The following ANKRD11 variants were observed in gnomAD, a reference collection of about 807,000 sequenced individuals.
ANKRD11 encodes the protein ankyrin repeat domain-containing protein 11.
A neutral mutation model predicts 195.7 loss-of-function variants in ANKRD11; 17 were observed. The observed-to-expected ratio is 0.09, with a 90% CI of 0.06 to 0.13. The LOEUF (loss-of-function observed/expected upper bound fraction) is 0.13. Among genes scored for constraint, ANKRD11 ranks in the 10% least tolerant of loss-of-function variants. The pLI is 1.00. For synonymous variants in ANKRD11, 1,953 were observed against 1,528.1 expected, an observed-to-expected ratio of 1.28 and a Z score of -6.49; for missense variants, 3,735 against 3,566.1, an observed-to-expected ratio of 1.05 and a Z score of -1.21.
rs538277091 is a variant in ANKRD11 at position 89,344,702 on chromosome 16, G to T, written c.-59-27624C>A. 9.2e-5 allele frequency among the ~76,000 whole-genome samples: 14 copies of T among 152,212 alleles called. 1 individual carries two copies. The South Asian group carries it at 2.1e-3, about 23-fold the overall frequency. ...GGGAGCTGCCGACACCTTCAGACTG[G>T]GAAGAACAAAGAGCTCCCAAGCACG... On this transcript the variant is annotated intron_variant, in intron 2 of 12. Coordinates refer to ENST00000301030, the MANE Select transcript of ANKRD11 (RefSeq NM_013275.6).
intron 2 of ANKRD11, among the ~76,000 whole-genome samples, chr16:89,318,842 G>C (rs555433385): frequency 1.3e-5 from 2 of 152,218 alleles, no homozygotes; most frequent in Non-Finnish European, 2.9e-5. Context: ...ACCTCCACCC[G>C]CGGTGCAGGT....
chr16:89,464,339 T>C (rs960697656), intron 1 of ANKRD11, among the ~76,000 whole-genome samples: 5 of 151,796 alleles, frequency 3.3e-5, no homozygotes, highest in South Asian at 2.1e-4. Flanking sequence ...CAGAGCGTGG[T>C]GGCTCACGCC....
intron 2 of ANKRD11, among the ~76,000 whole-genome samples, chr16:89,336,842 C>T (rs2038379720): frequency 6.6e-6 from 1 of 151,954 alleles, no homozygotes; most frequent in Non-Finnish European, 1.5e-5. Context: ...AAAACAACTG[C>T]AGGCCGGGCG....
At chr16:89,462,717 C>T (rs1219799658) in intron 1 of ANKRD11, among the ~76,000 whole-genome samples, 1 of 151,536 alleles carries the variant, frequency 6.6e-6, no homozygotes, top group Non-Finnish European at 1.5e-5. Context: ...GCCTCTGCCC[C>T]GCCGCCCCGT....
intron 2 of ANKRD11, among the ~76,000 whole-genome samples, chr16:89,390,126 CGT>C (rs2041118099): frequency 8.3e-5 from 5 of 60,210 alleles, no homozygotes; most frequent in Admixed American, 1.5e-4. Context: ...CCGAGTGTGG[CGT>C]GGAGCACAGA....
intron 2 of ANKRD11, among the ~76,000 whole-genome samples, chr16:89,368,371 GTTTTTTTTTTTTTTTTTTTTTTT>G (rs71134210): frequency 1.2e-3 from 69 of 56,596 alleles, no homozygotes; most frequent in Admixed American, 3.9e-3. Flanking sequence ...TAATTTTTGT[GTTTTTTTTTTTTTTTTTTTTTTT>G]TTTTTTTTAG....
intron 3 of ANKRD11, among the ~76,000 whole-genome samples, chr16:89,314,235 CAG>C (rs1213542561): frequency 3.3e-5 from 5 of 152,014 alleles, no homozygotes; most frequent in African/African-American, 7.3e-5. Context: ...CCCTGGGTGA[CAG>C]AGTCAGACCC....
chr16:89,423,006 A>C (rs1479356063), intron 1 of ANKRD11, among the ~76,000 whole-genome samples: 1 of 152,152 alleles, frequency 6.6e-6, no homozygotes, highest in African/African-American at 2.4e-5. Flanking sequence ...ACACTGACTA[A>C]CCCCAACTGA....
At chr16:89,388,810 G>T (rs1175429429) in intron 2 of ANKRD11, among the ~76,000 whole-genome samples, 1 of 152,152 alleles carries the variant, frequency 6.6e-6, no homozygotes, top group African/African-American at 2.4e-5. Flanking sequence ...GTTCTGGAAG[G>T]CACTGCCACA....
chr16:89,472,376 G>A (rs1056717065), intron 1 of ANKRD11, among the ~76,000 whole-genome samples: 1 of 152,122 alleles, frequency 6.6e-6, no homozygotes, highest in Non-Finnish European at 1.5e-5. Context: ...TTTACTAAGG[G>A]GAAGGGGAAG....
At chr16:89,286,557 G>T in intron 7 of ANKRD11, 1 of 764,484 alleles carries the variant, frequency 1.3e-6, no homozygotes, top group Non-Finnish European at 1.8e-6. Flanking sequence ...GAGCTCCTCA[G>T]CAGAGTGGTG....
chr16:89,421,419 G>A (rs1401952157), intron 1 of ANKRD11, among the ~76,000 whole-genome samples: 2 of 6,218 alleles, frequency 3.2e-4, no homozygotes, highest in Admixed American at 1.1e-3. Flanking sequence ...TGGGGGCGGG[G>A]GTGAGACACG....
chr16:89,487,634 C>A (rs915577954), intron 1 of ANKRD11, among the ~76,000 whole-genome samples: 1 of 151,926 alleles, frequency 6.6e-6, no homozygotes, highest in Non-Finnish European at 1.5e-5. Context: ...ATTAGCCAGG[C>A]GTGGCGGTGG....
chr16:89,468,897 C>T (rs1410510540), intron 1 of ANKRD11, among the ~76,000 whole-genome samples: 1 of 152,130 alleles, frequency 6.6e-6, no homozygotes, highest in Non-Finnish European at 1.5e-5. Context: ...CCCAGGAATA[C>T]ATGATTGGTT....
chr16:89,272,977 G>A (rs775615763), intron 11 of ANKRD11: 9 of 148,574 alleles, frequency 6.1e-5, no homozygotes, highest in Non-Finnish European at 1.0e-4. Flanking sequence ...AGAGTAGAAC[G>A]ACGGTTACCA....
intron 4 of ANKRD11, among the ~76,000 whole-genome samples, chr16:89,301,155 G>A (rs1419139870): frequency 1.3e-5 from 2 of 152,188 alleles, no homozygotes; most frequent in African/African-American, 4.8e-5. Flanking sequence ...CGCCCAGGCT[G>A]GAGGGCAGTG....
chr16:89,287,708 C>G (rs1013699059), intron 7 of ANKRD11: 9 of 162,950 alleles, frequency 5.5e-5, no homozygotes, highest in African/African-American at 2.2e-4. Flanking sequence ...ACTCAGTGTT[C>G]TGAGTTCCCT....
At chr16:89,408,907 C>T (rs2042011578) in intron 2 of ANKRD11, among the ~76,000 whole-genome samples, 1 of 152,180 alleles carries the variant, frequency 6.6e-6, no homozygotes, top group Non-Finnish European at 1.5e-5. Context: ...TCTCACAGAC[C>T]TTAGGAGTTA....
chr16:89,295,704 G>A lies in ANKRD11; in HGVS notation c.227-4521C>T, dbSNP rs576465358. Among the ~76,000 whole-genome samples, 20 of 152,192 alleles carry A rather than the reference G, an allele frequency of 1.3e-4. No homozygotes were observed. The South Asian group carries it at 2.3e-3, about 17-fold the overall frequency. On this transcript the variant is annotated intron_variant, in intron 4 of 12. Coordinates refer to ENST00000301030, the MANE Select transcript of ANKRD11 (RefSeq NM_013275.6). The stretch of plus-strand genomic sequence containing the variant: ...AGGCGAGCGTCCCGAGGCAAACGGC[G>A]GTGGCACCTGGCTCTGTGCAGGTGG...
Sources: gnomAD v4.1 joint callset for allele counts (sites outside exome capture counted in the v4.1 genomes callset) on GRCh38, gnomAD v4.1.1 for gene constraint, MANE v1.5 for transcripts, NCBI Gene and HGNC (gene_info 2026-07-23, HGNC 2026-07-21) for gene names.